The following ZCRB1 variants were observed in gnomAD, a reference collection of about 807,000 sequenced individuals.
ZCRB1 encodes the protein zinc finger CCHC-type and RNA binding motif containing 1.
ZCRB1 carries 21 observed loss-of-function variants against 29.9 expected under a neutral mutation model. That is an observed-to-expected ratio of 0.70 (90% CI 0.50 to 1.01). ZCRB1 has a LOEUF of 1.01. Ranked by LOEUF, ZCRB1 falls within the 50% of genes least tolerant of loss-of-function variation. ZCRB1 has a pLI of 0.00. For missense variants in ZCRB1, 204 were observed against 253.3 expected (o/e 0.81, Z 1.32); for synonymous variants, 77 against 80.0 (o/e 0.96, Z 0.20).
Position 42,312,420 on chromosome 12 carries a change from A to AAGAT in ZCRB1, c.*643_*646dup, listed in dbSNP as rs1187860039. On this transcript the variant is annotated 3_prime_UTR_variant, in exon 8 of 8. Coordinates refer to ENST00000266529, the MANE Select transcript of ZCRB1 (RefSeq NM_033114.4). ...AAAAGTATTTACTTGGTTATTAAAA[A>AAGAT]AGATATATATGGATTCCCCCAAATT... 6.6e-6 allele frequency: 1 copy of AAGAT among 152,208 alleles called. No individual in the cohort carries two copies. The highest frequency in any genetic ancestry group is 1.5e-5 in the Non-Finnish European group (1 of 68,022). 9.4% of individuals were successfully genotyped at this position (152,208 alleles called of 1,614,324 possible).
At position 42,326,066 on chromosome 12, in the gene ZCRB1, G is replaced by C. The variant is rs980702313; in HGVS notation, c.-145C>G. The stretch of plus-strand genomic sequence containing the variant: ...GGTCAGGCGCGGAGAGCAGATAATA[G>C]CAGCCACGGTGCTTCTTCCCGACTG... On this transcript the variant is annotated 5_prime_UTR_variant, in exon 1 of 8. Coordinates refer to ENST00000266529, the MANE Select transcript of ZCRB1 (RefSeq NM_033114.4). 1 of 152,294 alleles carries C rather than the reference G, an allele frequency of 6.6e-6. No individual in the cohort carries two copies. Among genetic ancestry groups the C allele is most frequent in the African/African-American group, 2.4e-5 (1 of 41,476 alleles). The allele number at this position is 152,294 out of a possible 1,614,324, so 9.4% of individuals were successfully genotyped here. A position where few individuals can be genotyped will look rare whatever the true frequency, so the allele number is the denominator to read the frequency against.
chr12:42,317,314 T>C, intron 5 of ZCRB1, 26 bp downstream of exon 5: 1 of 1,520,932 alleles, frequency 6.6e-7, no homozygotes, highest in Non-Finnish European at 9.0e-7. Context: ...CTATGGAAAG[T>C]TCCATTAAGT....
chr12:42,314,291 G>A (rs956373460), intron 5 of ZCRB1, among the ~76,000 whole-genome samples: 2 of 150,930 alleles, frequency 1.3e-5, no homozygotes, highest in African/African-American at 2.4e-5. Context: ...CGGGCGCGGT[G>A]GCTCACGCCT....
intron 2 of ZCRB1, 21 bp from the exon 3 acceptor site, chr12:42,322,467 T>C (rs375358606): frequency 4.7e-6 from 7 of 1,474,668 alleles, no homozygotes; most frequent in Admixed American, 2.3e-5. Context: ...AGACCAAATA[T>C]TTACAATTTA....
intron 3 of ZCRB1, among the ~76,000 whole-genome samples, chr12:42,320,385 T>C (rs2068615566): frequency 6.6e-6 from 1 of 152,176 alleles, no homozygotes; most frequent in South Asian, 2.1e-4. Context: ...TGTACTATTT[T>C]AGTACACATT....
At chr12:42,322,227 T>C (rs75249860) in intron 3 of ZCRB1, among the ~76,000 whole-genome samples, 191 bp downstream of exon 3, 2 of 109,742 alleles carry the variant, frequency 1.8e-5, no homozygotes, top group South Asian at 3.2e-4. Context: ...ATGTATGTAA[T>C]AGTCTTTAAG....
chr12:42,314,775 A>G (rs149245610), intron 5 of ZCRB1, among the ~76,000 whole-genome samples: 1,833 of 152,108 alleles, frequency 0.012, 41 homozygotes, highest in African/African-American at 0.042. Flanking sequence ...AACATGGGGA[A>G]ACCCTGTCTC....
intron 3 of ZCRB1, among the ~76,000 whole-genome samples, chr12:42,321,772 G>A (rs1220780905): frequency 6.6e-6 from 1 of 152,142 alleles, no homozygotes; most frequent in Non-Finnish European, 1.5e-5. Context: ...TTGGTTACAA[G>A]AAAGTTAGGA....
intron 3 of ZCRB1, among the ~76,000 whole-genome samples, chr12:42,321,796 T>C (rs1234043292): frequency 6.6e-6 from 1 of 152,180 alleles, no homozygotes; most frequent in African/African-American, 2.4e-5. Flanking sequence ...CAGTATCCTG[T>C]TACTTTTTTG....
rs2068578133 is a variant in ZCRB1 at position 42,313,210 on chromosome 12, A to C, written c.523-12T>G. ...TCAATTTTGGCTTGCTGTGATTCAA[A>C]AAACAAAACAAAACCAATAACCTGT... On this transcript the variant is annotated splice_polypyrimidine_tract_variant and intron_variant, in intron 7 of 7. Coordinates refer to ENST00000266529, the MANE Select transcript of ZCRB1 (RefSeq NM_033114.4). The C allele has an allele frequency of 6.9e-6, 11 of 1,598,598 alleles. No individual in the cohort carries two copies. In the Admixed American group the frequency reaches 2.0e-4, roughly 28 times the overall value.
intron 5 of ZCRB1, among the ~76,000 whole-genome samples, chr12:42,316,083 G>A (rs1565691990): frequency 6.6e-6 from 1 of 151,798 alleles, no homozygotes; most frequent in East Asian, 1.9e-4. Context: ...TGTTTTTTAA[G>A]TATTTTATTT....
chr12:42,317,781 G>T lies in ZCRB1; in HGVS notation c.225+6C>A. ...CTAAAAACCTTGATGGAGATGAATA[G>T]CTTACCTGTTTGTTGTTTATTGCCC... On this transcript the variant is annotated splice_donor_region_variant and intron_variant, in intron 4 of 7. Coordinates refer to ENST00000266529, the MANE Select transcript of ZCRB1 (RefSeq NM_033114.4). 1 of 1,610,904 alleles carries T rather than the reference G, an allele frequency of 6.2e-7. No individual in the cohort carries two copies. Among genetic ancestry groups the T allele is most frequent in the Non-Finnish European group, 8.5e-7 (1 of 1,178,874 alleles).
rs1435870952 is a variant in ZCRB1, at chr12:42,326,040, G to A, written c.-119C>T. On this transcript the variant is annotated 5_prime_UTR_variant, in exon 1 of 8. Coordinates refer to ENST00000266529, the MANE Select transcript of ZCRB1 (RefSeq NM_033114.4). ...GCCTTGGCATCACGAGTCCTGGGAGGGGTCAGGCGCGGAGAGCAGATAATA... is the reference window on the plus strand; with the variant it reads ...GCCTTGGCATCACGAGTCCTGGGAGAGGTCAGGCGCGGAGAGCAGATAATA... 2.0e-5 allele frequency: 3 copies of A among 152,336 alleles called. No individual in the cohort carries two copies. The highest frequency in any genetic ancestry group is 6.5e-5 in the Admixed American group (1 of 15,292). 9.4% of individuals were successfully genotyped at this position (152,336 alleles called of 1,614,324 possible). A position where few individuals can be genotyped will look rare whatever the true frequency, so the allele number is the denominator to read the frequency against.
chr12:42,324,659 A>T (rs988073300), intron 1 of ZCRB1, among the ~76,000 whole-genome samples: 6 of 152,170 alleles, frequency 3.9e-5, no homozygotes, highest in Admixed American at 3.3e-4. Context: ...GTCACCACTT[A>T]AAAAAAATTC....
Position 42,322,458 on chromosome 12 carries a change from G to A in ZCRB1, c.85-12C>T. Reference sequence around the variant, plus strand: ...TACTTGGAAAATATCTGAAACAAAAGACCAAATATTTACAATTTATTTTAA... The same window carrying A: ...TACTTGGAAAATATCTGAAACAAAAAACCAAATATTTACAATTTATTTTAA... On this transcript the variant is annotated splice_polypyrimidine_tract_variant and intron_variant, in intron 2 of 7. Transcript: ENST00000266529. 1 of 1,479,104 alleles carries A rather than the reference G, an allele frequency of 6.8e-7. No individual in the cohort carries two copies. The highest frequency in any genetic ancestry group is 9.1e-7 in the Non-Finnish European group (1 of 1,098,344). 91.6% of individuals were successfully genotyped at this position (1,479,104 alleles called of 1,614,324 possible).
At chr12:42,319,098 G>A (rs532735078) in intron 3 of ZCRB1, among the ~76,000 whole-genome samples, 15 of 152,220 alleles carry the variant, frequency 9.9e-5, no homozygotes, top group South Asian at 2.1e-4. Context: ...GGAATTTTTC[G>A]TAATGTTTGT....
chr12:42,324,933 C>CTA (rs1194820543), intron 1 of ZCRB1, among the ~76,000 whole-genome samples: 1 of 152,212 alleles, frequency 6.6e-6, no homozygotes, highest in East Asian at 1.9e-4. Flanking sequence ...CACAGTCATG[C>CTA]TATGCTTAAT....
intron 5 of ZCRB1, 63 bp downstream of exon 5, chr12:42,317,277 A>G (rs566721491): frequency 4.8e-5 from 58 of 1,213,278 alleles, no homozygotes; most frequent in Non-Finnish European, 6.4e-5. Flanking sequence ...AGCAAAAATA[A>G]AAGACTGATG....
intron 5 of ZCRB1, among the ~76,000 whole-genome samples, chr12:42,316,337 T>C (rs1401390942): frequency 1.3e-5 from 2 of 152,144 alleles, no homozygotes; most frequent in Non-Finnish European, 2.9e-5. Flanking sequence ...AGACCTCAAG[T>C]GATCCGTCCA....
Sources: allele counts gnomAD v4.1 joint callset (sites outside exome capture counted in the v4.1 genomes callset), GRCh38; gene constraint gnomAD v4.1.1; transcripts MANE v1.5; gene names NCBI Gene and HGNC (gene_info 2026-07-23, HGNC 2026-07-21).